TNKS: variants seen among roughly 807,000 people sequenced by gnomAD.
TNKS encodes tankyrase.
In TNKS, 72 loss-of-function variants were observed where a neutral mutation model predicts 135.8. That is an observed-to-expected ratio of 0.53 (90% CI 0.44 to 0.64). The LOEUF (loss-of-function observed/expected upper bound fraction) is 0.64, where lower values mean the gene tolerates loss of function less well. Ranked by LOEUF, TNKS falls within the 30% of genes least tolerant of loss-of-function variation. The pLI is 0.00. For missense variants in TNKS, 1,769 were observed against 1,674.0 expected (o/e 1.06, Z -0.99); for synonymous variants, 849 against 649.3 (o/e 1.31, Z -4.68).
intron 20 of TNKS, among the ~76,000 whole-genome samples, chr8:9,759,439 C>T (rs1015878686): frequency 8.5e-5 from 13 of 152,222 alleles, no homozygotes; most frequent in Admixed American, 7.2e-4. Context: ...GCACTTTCCA[C>T]GTTAGGTGTG....
chr8:9,556,477 A>G lies in TNKS; in HGVS notation c.538A>G (p.Ser180Gly), dbSNP rs1357712609. 1.2e-6 allele frequency: 2 copies of G among 1,613,976 alleles called. No homozygotes were observed. Among genetic ancestry groups the G allele is most frequent in the Non-Finnish European group, 1.7e-6 (2 of 1,180,034 alleles). ...AGPGTGVPAVSGALRELLEAC... is the reference protein window; with the variant it reads ...AGPGTGVPAVGGALRELLEAC... ...ACCTGGGACAGGGGTCCCAGCAGTG[A>G]GCGGGGCCCTACGGGAACTGCTGGA... Residue 180 changes from serine (S) to glycine (G), a missense_variant, in exon 1 of 27, where the codon AGC becomes GGC. Coordinates refer to ENST00000310430, the MANE Select transcript of TNKS (RefSeq NM_003747.3).
rs1187623012 is a variant in TNKS, at chr8:9,726,724, A to G, written c.2001+4A>G. 3.1e-6 allele frequency: 5 copies of G among 1,610,812 alleles called. No homozygotes were observed. The East Asian group carries it at 1.1e-4, about 36-fold the overall frequency. Reference sequence around the variant, plus strand: ...TGGAGACTTGGAAACTGTGAAGGTAAGTCAGTGCCCTTAATATCTGGAATA... The same window carrying G: ...TGGAGACTTGGAAACTGTGAAGGTAGGTCAGTGCCCTTAATATCTGGAATA... On this transcript the variant is annotated splice_donor_region_variant and intron_variant, in intron 13 of 26. Transcript: ENST00000310430.
intron 5 of TNKS, among the ~76,000 whole-genome samples, chr8:9,697,986 A>G (rs921752663): frequency 4.6e-5 from 7 of 152,196 alleles, no homozygotes; most frequent in African/African-American, 1.7e-4. Flanking sequence ...AATAGCGAAG[A>G]CATGGAATCA....
chr8:9,584,310 G>A (rs549540930), intron 2 of TNKS, among the ~76,000 whole-genome samples: 1 of 152,144 alleles, frequency 6.6e-6, no homozygotes, highest in Non-Finnish European at 1.5e-5. Context: ...TGCGGAAACT[G>A]GTAGTGTCAG....
chr8:9,662,837 A>G (rs923192278), intron 3 of TNKS, among the ~76,000 whole-genome samples: 3 of 152,232 alleles, frequency 2.0e-5, no homozygotes, highest in Non-Finnish European at 2.9e-5. Context: ...AAAATCCTCA[A>G]TCTGCCATTT....
intron 13 of TNKS, 57 bp from the exon 14 acceptor site, chr8:9,730,833 C>A (rs910518025): frequency 1.3e-6 from 2 of 1,557,324 alleles, no homozygotes; most frequent in South Asian, 1.2e-5. Flanking sequence ...GGGGCAAAAC[C>A]TGTGAATAAA....
chr8:9,576,011 C>T (rs963138182), intron 1 of TNKS, among the ~76,000 whole-genome samples: 2 of 152,128 alleles, frequency 1.3e-5, no homozygotes, highest in African/African-American at 4.8e-5. Flanking sequence ...GGGCACTCTT[C>T]CTCCCACACC....
rs564512334 is a variant in TNKS, at chr8:9,741,870, C to A, written c.2644-6154C>A. 252 of 269,462 alleles carry A rather than the reference C, an allele frequency of 9.4e-4. 2 individuals carry two copies. The highest frequency in any genetic ancestry group is 1.3e-3 in the Non-Finnish European group (151 of 116,720). The allele number at this position is 269,462 out of a possible 1,614,324, so 16.7% of individuals were successfully genotyped here. ...GACCGGAAGTCCACTCTTTCATTTT[C>A]ATAAACTTTATTCACCATCACCCAT... On this transcript the variant is annotated intron_variant, in intron 17 of 26. Transcript: ENST00000310430.
intron 12 of TNKS, 54 bp downstream of exon 12, chr8:9,720,599 G>A: frequency 6.5e-7 from 1 of 1,527,398 alleles, no homozygotes; most frequent in Non-Finnish European, 8.8e-7. Context: ...CATCCCTGCT[G>A]AAATACACAG....
intron 2 of TNKS, among the ~76,000 whole-genome samples, chr8:9,609,816 C>A (rs953375323): frequency 2.6e-5 from 4 of 152,100 alleles, no homozygotes; most frequent in African/African-American, 9.7e-5. Flanking sequence ...TTCAGTAAGC[C>A]ATCCTATATA....
intron 5 of TNKS, among the ~76,000 whole-genome samples, chr8:9,698,755 A>C (rs554083561): frequency 1.5e-4 from 23 of 152,350 alleles, no homozygotes; most frequent in South Asian, 1.2e-3. Flanking sequence ...ATGGTTGTAT[A>C]GGAAAAATTA....
rs542433061 is a variant in TNKS, at chr8:9,586,597, T to C, written c.898+6214T>C. 2.0e-5 allele frequency among the ~76,000 whole-genome samples: 3 copies of C among 152,230 alleles called. No individual in the cohort carries two copies. The East Asian group carries it at 5.8e-4, about 29-fold the overall frequency. ...TTATTCAACTAGGTAAAACTCAGAT[T>C]CATTCAGTCAAATGTAATATATCAA... is the stretch of plus-strand genomic sequence containing the variant. On this transcript the variant is annotated intron_variant, in intron 2 of 26. Coordinates refer to ENST00000310430, the MANE Select transcript of TNKS (RefSeq NM_003747.3).
chr8:9,725,890 G>C (rs1375415209), intron 12 of TNKS, among the ~76,000 whole-genome samples: 1 of 152,136 alleles, frequency 6.6e-6, no homozygotes. Flanking sequence ...TCATTTGTTA[G>C]CCTCTAGACC....
intron 20 of TNKS, among the ~76,000 whole-genome samples, chr8:9,754,403 C>T (rs1806726933): frequency 6.6e-6 from 1 of 152,120 alleles, no homozygotes; most frequent in Non-Finnish European, 1.5e-5. Flanking sequence ...ACCTTTGGCC[C>T]ATTATGGTTC....
intron 3 of TNKS, among the ~76,000 whole-genome samples, chr8:9,626,286 A>G (rs1267409047): frequency 6.6e-6 from 1 of 152,152 alleles, no homozygotes; most frequent in African/African-American, 2.4e-5. Context: ...TGCCAATATC[A>G]TTATATTTGA....
chr8:9,683,695 T>G (rs1055480975), intron 5 of TNKS, among the ~76,000 whole-genome samples: 1 of 151,854 alleles, frequency 6.6e-6, no homozygotes, highest in African/African-American at 2.4e-5. Context: ...TTTTTTAATG[T>G]AATATGTGGG....
intron 19 of TNKS, among the ~76,000 whole-genome samples, chr8:9,752,325 A>G (rs1806588146): frequency 6.6e-6 from 1 of 152,160 alleles, no homozygotes; most frequent in Admixed American, 6.5e-5. Context: ...ATATTAGAAT[A>G]CAAATACTAA....
At chr8:9,665,861 C>G (rs529481143) in intron 3 of TNKS, among the ~76,000 whole-genome samples, 7 of 152,268 alleles carry the variant, frequency 4.6e-5, no homozygotes, top group African/African-American at 1.7e-4. Context: ...AGTCTCTAAG[C>G]CTCCTCAGAG....
intron 3 of TNKS, among the ~76,000 whole-genome samples, chr8:9,622,451 G>A (rs1319672073): frequency 1.3e-5 from 2 of 152,158 alleles, no homozygotes; most frequent in Non-Finnish European, 2.9e-5. Flanking sequence ...AGTAGATATT[G>A]TTATTGTACT....
Sources: allele counts gnomAD v4.1 joint callset (sites outside exome capture counted in the v4.1 genomes callset), GRCh38; gene constraint gnomAD v4.1.1; transcripts MANE v1.5; gene names NCBI Gene and HGNC (gene_info 2026-07-23, HGNC 2026-07-21).